Variants in RGS7 observed in about 807,000 individuals in gnomAD.
The protein encoded by RGS7 is regulator of G protein signaling 7.
Under a neutral mutation model 81.1 loss-of-function variants are expected in RGS7, and 27 were observed. That is an observed-to-expected ratio of 0.33 (90% CI 0.25 to 0.46). RGS7 has a LOEUF of 0.46. RGS7 is among the 20% of genes least tolerant of loss of function. The pLI is 1.00. For synonymous variants in RGS7, 208 were observed against 207.7 expected (o/e 1.00, Z -0.01); for missense variants, 396 against 607.4 (o/e 0.65, Z 3.66).
chr1:240,826,986 G>A lies in RGS7; in HGVS notation c.684+112C>T, dbSNP rs979743640. ...GAGGAAGGGAGGGCTGTGGAAGGCT[G>A]GGAAGAGTGGGAAAGATACTGCATG... On this transcript the variant is annotated intron_variant, in intron 10 of 18. Coordinates refer to ENST00000440928, the MANE Select transcript of RGS7 (RefSeq NM_001364886.1). 1.9e-5 allele frequency: 17 copies of A among 888,114 alleles called. No homozygotes were observed. In the East Asian group the frequency reaches 3.2e-4, roughly 17 times the overall value. 55.0% of individuals were successfully genotyped at this position (888,114 alleles called of 1,614,324 possible). A position where few individuals can be genotyped will look rare whatever the true frequency, so the allele number is the denominator to read the frequency against.
intron 2 of RGS7, among the ~76,000 whole-genome samples, chr1:241,219,564 G>C (rs964791314): frequency 6.6e-5 from 10 of 152,154 alleles, no homozygotes; most frequent in Non-Finnish European, 1.3e-4. Flanking sequence ...GAGATGGTCA[G>C]AGTTATGGCT....
At chr1:241,131,113 T>G (rs1390111892) in intron 2 of RGS7, among the ~76,000 whole-genome samples, 1 of 152,006 alleles carries the variant, frequency 6.6e-6, no homozygotes, top group Admixed American at 6.6e-5. Context: ...ATGAGTAAAA[T>G]GTGTTTTTCT....
At chr1:241,172,993 G>C (rs899000634) in intron 2 of RGS7, among the ~76,000 whole-genome samples, 1 of 152,144 alleles carries the variant, frequency 6.6e-6, no homozygotes, top group African/African-American at 2.4e-5. Flanking sequence ...GGAAAGCATA[G>C]AGCAGCTATT....
intron 5 of RGS7, among the ~76,000 whole-genome samples, chr1:240,933,796 A>T (rs1050978795): frequency 6.6e-6 from 1 of 151,954 alleles, no homozygotes; most frequent in African/African-American, 2.4e-5. Flanking sequence ...TCTCATTTTC[A>T]GTTAGCTAAG....
Position 240,787,425 on chromosome 1 carries a change from C to T in RGS7, c.*7-11212G>A, listed in dbSNP as rs542583740. 1.6e-3 allele frequency among the ~76,000 whole-genome samples: 248 copies of T among 152,252 alleles called. 2 individuals carry two copies. The highest frequency in any genetic ancestry group is 5.6e-3 in the African/African-American group (231 of 41,556). On this transcript the variant is annotated intron_variant, in intron 18 of 18. Coordinates refer to ENST00000440928, the MANE Select transcript of RGS7 (RefSeq NM_001364886.1). ...GAACTTGCTTTAAACAAAAGACCTT[C>T]GGCTACGTAAGGCACGCAGCAGGAT...
At chr1:241,285,490 A>T (rs2078760825) in intron 2 of RGS7, among the ~76,000 whole-genome samples, 1 of 152,202 alleles carries the variant, frequency 6.6e-6, no homozygotes, top group Admixed American at 6.5e-5. Flanking sequence ...CTTCTTGGAA[A>T]CAAGAGTCTG....
intron 2 of RGS7, among the ~76,000 whole-genome samples, chr1:241,248,562 C>T (rs2076673530): frequency 6.6e-6 from 1 of 151,550 alleles, no homozygotes; most frequent in Admixed American, 6.6e-5. Flanking sequence ...TTACTTTGTC[C>T]CTTATCTCTT....
At chr1:241,072,993 T>C (rs1466747109) in intron 3 of RGS7, among the ~76,000 whole-genome samples, 1 of 152,136 alleles carries the variant, frequency 6.6e-6, no homozygotes, top group Non-Finnish European at 1.5e-5. Flanking sequence ...TCTAGATCCA[T>C]TCTTACAATA....
intron 2 of RGS7, among the ~76,000 whole-genome samples, chr1:241,199,163 T>C (rs1311159931): frequency 2.0e-5 from 3 of 147,270 alleles, no homozygotes; most frequent in Non-Finnish European, 4.5e-5. Flanking sequence ...AAACAAAGAA[T>C]AAAAAAAAAA....
At position 241,302,184 on chromosome 1, in the gene RGS7, C is replaced by T. The variant is rs1213014508; in HGVS notation, c.78+53515G>A. On this transcript the variant is annotated intron_variant, in intron 2 of 18. Coordinates refer to ENST00000440928, the MANE Select transcript of RGS7 (RefSeq NM_001364886.1). ...CCCTGAGGTGAGAGCAGGCCTAGCACATTGCAGGAACAGCAGGAGGGTGAG... is the reference window on the plus strand; with the variant it reads ...CCCTGAGGTGAGAGCAGGCCTAGCATATTGCAGGAACAGCAGGAGGGTGAG... Among the ~76,000 whole-genome samples, 9 of 152,322 alleles carry T rather than the reference C, an allele frequency of 5.9e-5. No individual in the cohort carries two copies. In the East Asian group the frequency reaches 1.4e-3, roughly 23 times the overall value.
intron 13 of RGS7, among the ~76,000 whole-genome samples, 160 bp from the exon 14 acceptor site, chr1:240,812,203 C>T (rs778689768): frequency 1.9e-4 from 29 of 152,192 alleles, no homozygotes; most frequent in Non-Finnish European, 2.8e-4. Context: ...ATGAAATCAT[C>T]GTGTACATTA....
intron 2 of RGS7, among the ~76,000 whole-genome samples, chr1:241,121,710 C>CTTTTGTTTTTTTT (rs2066269659): frequency 1.5e-5 from 1 of 66,412 alleles, no homozygotes; most frequent in Non-Finnish European, 2.7e-5. Context: ...TGCAATTGTT[C>CTTTTGTTTTTTTT]TTTTTTTTTT....
chr1:241,068,224 T>TTGTGTGTGTGGGTGTGTGTG (rs2062186376), intron 3 of RGS7, among the ~76,000 whole-genome samples: 1 of 55,814 alleles, frequency 1.8e-5, no homozygotes, highest in Admixed American at 2.4e-4. Flanking sequence ...TATCCATAAA[T>TTGTGTGTGTGGGTGTGTGTG]TGTGTGTGTG....
At chr1:241,226,015 T>C (rs1226571416) in intron 2 of RGS7, among the ~76,000 whole-genome samples, 1 of 152,104 alleles carries the variant, frequency 6.6e-6, no homozygotes, top group Non-Finnish European at 1.5e-5. Flanking sequence ...AGGAGAAAGT[T>C]TACACACAAT....
chr1:241,315,880 A>G (rs1484382726), intron 2 of RGS7, among the ~76,000 whole-genome samples: 2 of 152,132 alleles, frequency 1.3e-5, no homozygotes, highest in Admixed American at 1.3e-4. Context: ...CTTTCTACAC[A>G]TATATTATTA....
chr1:240,956,342 A>G (rs189917670), intron 4 of RGS7, among the ~76,000 whole-genome samples: 26 of 150,928 alleles, frequency 1.7e-4, no homozygotes, highest in Non-Finnish European at 3.1e-4. Context: ...GTAATTTTAT[A>G]TTTTGAGATT....
At chr1:240,795,826 T>G (rs954623212) in intron 18 of RGS7, among the ~76,000 whole-genome samples, 3 of 152,218 alleles carry the variant, frequency 2.0e-5, no homozygotes, top group African/African-American at 7.2e-5. Context: ...TAATTCAAAT[T>G]CTTAAGTATT....
intron 2 of RGS7, among the ~76,000 whole-genome samples, chr1:241,282,374 A>G (rs1259557191): frequency 2.6e-5 from 4 of 152,206 alleles, no homozygotes; most frequent in Admixed American, 2.6e-4. Context: ...ATTCATTACT[A>G]TAATATAGAA....
At chr1:240,987,816 C>A (rs1685897971) in intron 3 of RGS7, among the ~76,000 whole-genome samples, 1 of 152,144 alleles carries the variant, frequency 6.6e-6, no homozygotes, top group Non-Finnish European at 1.5e-5. Flanking sequence ...ATGGCATGAG[C>A]CACCAGGCTC....
Sources: gnomAD v4.1 joint callset for allele counts (sites outside exome capture counted in the v4.1 genomes callset) on GRCh38, gnomAD v4.1.1 for gene constraint, MANE v1.5 for transcripts, NCBI Gene and HGNC (gene_info 2026-07-23, HGNC 2026-07-21) for gene names.